Variants in CPNE5 observed in about 807,000 individuals in gnomAD.
CPNE5 encodes the protein copine 5.
In CPNE5, 42 loss-of-function variants were observed where a neutral mutation model predicts 81.1. The observed-to-expected ratio is 0.52, with a 90% CI of 0.40 to 0.67. The LOEUF is 0.67. Among genes scored for constraint, CPNE5 ranks in the 30% least tolerant of loss-of-function variants. The probability of loss-of-function intolerance (pLI) is 0.00; values close to 1 mark genes in which losing one functional copy is unlikely to be tolerated. For synonymous variants in CPNE5, 313 were observed against 321.5 expected (o/e 0.97, Z 0.28); for missense variants, 612 against 815.5 (o/e 0.75, Z 3.04).
At chr6:36,743,865 C>CAGTGGTCTCGGCCCTG in intron 19 of CPNE5, 103 bp from the exon 20 acceptor site, 1 of 1,018,184 alleles carries the variant, frequency 9.8e-7, no homozygotes, top group Non-Finnish European at 1.5e-6. Context: ...AATCCAGGGC[C>CAGTGGTCTCGGCCCTG]GAGACCACTG....
At chr6:36,818,044 C>T (rs1325721516) in intron 3 of CPNE5, among the ~76,000 whole-genome samples, 4 of 152,128 alleles carry the variant, frequency 2.6e-5, no homozygotes, top group Admixed American at 2.6e-4. Flanking sequence ...AACCTGAAAC[C>T]CAGCTCAACT....
chr6:36,839,512 A>G (rs1409088850), upstream of CPNE5: 1 of 645,912 alleles, frequency 1.5e-6, no homozygotes, highest in African/African-American at 1.9e-5. The surrounding 1 kb of genome is among the most constrained non-coding windows in gnomAD (Gnocchi z 7.3). Flanking sequence ...GAGGAGCGCG[A>G]AGAGGGGGCG....
Position 36,761,075 on chromosome 6 carries a change from G to A in CPNE5, c.855+1842C>T, listed in dbSNP as rs549415832. On this transcript the variant is annotated intron_variant, in intron 12 of 20. Transcript: ENST00000244751. ...ATTGAATGCTTTCTGCTCTTAGCCC[G>A]AGAGAAACAGCTCCTTCTGGGCCTG... 3.9e-5 allele frequency among the ~76,000 whole-genome samples: 6 copies of A among 152,320 alleles called. No individual in the cohort carries two copies. In the South Asian group the frequency reaches 8.3e-4, roughly 21 times the overall value.
intron 14 of CPNE5, among the ~76,000 whole-genome samples, chr6:36,749,794 C>T (rs538393919): frequency 2.0e-5 from 3 of 152,142 alleles, no homozygotes; most frequent in Admixed American, 2.0e-4. Context: ...TTGATTATAC[C>T]TTTTCTCCAC....
chr6:36,775,524 T>C (rs1767424533), intron 9 of CPNE5, among the ~76,000 whole-genome samples: 1 of 152,228 alleles, frequency 6.6e-6, no homozygotes, highest in Admixed American at 6.5e-5. Flanking sequence ...ATTAGATGTA[T>C]GGGTCATTTG....
chr6:36,747,267 C>G (rs1487206102), intron 15 of CPNE5, among the ~76,000 whole-genome samples: 2 of 151,770 alleles, frequency 1.3e-5, no homozygotes, highest in Non-Finnish European at 2.9e-5. Context: ...CCCCAGAGCC[C>G]TCTTCGCTGC....
chr6:36,837,784 T>A (rs182892450), intron 1 of CPNE5, among the ~76,000 whole-genome samples: 55 of 151,744 alleles, frequency 3.6e-4, no homozygotes, highest in Admixed American at 1.2e-3. Flanking sequence ...GTGGGAAGGA[T>A]CCCAAGACAA....
chr6:36,762,805 C>T (rs1562109053), intron 12 of CPNE5, 112 bp downstream of exon 12: 2 of 857,246 alleles, frequency 2.3e-6, no homozygotes, highest in South Asian at 2.9e-5. Context: ...ACAATAACCC[C>T]TTTCTCACAG....
intron 1 of CPNE5, among the ~76,000 whole-genome samples, chr6:36,829,864 A>AC (rs1772837385): frequency 6.8e-6 from 1 of 147,644 alleles, no homozygotes; most frequent in African/African-American, 2.5e-5. Context: ...AAAAAAAAAA[A>AC]AAAAATACCC....
At chr6:36,782,818 C>CACAG (rs1768153304) in intron 8 of CPNE5, among the ~76,000 whole-genome samples, 1 of 35,632 alleles carries the variant, frequency 2.8e-5, no homozygotes. Context: ...AAAACCAAAA[C>CACAG]ACACACACAC....
At chr6:36,750,787 T>TG (rs959289633) in intron 14 of CPNE5, among the ~76,000 whole-genome samples, 1 of 152,198 alleles carries the variant, frequency 6.6e-6, no homozygotes, top group African/African-American at 2.4e-5. Context: ...GGGACTATAC[T>TG]GGAGGGACAC....
At chr6:36,744,202 T>G in intron 19 of CPNE5, 66 bp downstream of exon 19, 1 of 1,289,848 alleles carries the variant, frequency 7.8e-7, no homozygotes, top group East Asian at 2.5e-5. Context: ...TGGGGAAACA[T>G]CTGGGGTGGG....
At position 36,839,229 on chromosome 6, in the gene CPNE5, C is replaced by T. The variant is rs985685725; in HGVS notation, c.95+54G>A. Reference sequence around the variant, plus strand: ...TTTAGGATCGAAGCGGCAGGGGCCGCGGGGCTCTGCGTCCAGGGCCGGGGC... The same window carrying T: ...TTTAGGATCGAAGCGGCAGGGGCCGTGGGGCTCTGCGTCCAGGGCCGGGGC... On this transcript the variant is annotated intron_variant, in intron 1 of 20. Transcript: ENST00000244751. The surrounding 1 kb of genome is among the most constrained non-coding windows in gnomAD (Gnocchi z 7.3). The T allele has an allele frequency of 2.9e-5, 39 of 1,334,670 alleles. No homozygotes were observed. The Admixed American group carries it at 5.7e-4, about 20-fold the overall frequency. 82.7% of individuals were successfully genotyped at this position (1,334,670 alleles called of 1,614,324 possible).
intron 20 of CPNE5, 87 bp downstream of exon 20, chr6:36,743,602 C>A: frequency 7.6e-7 from 1 of 1,317,318 alleles, no homozygotes; most frequent in Admixed American, 1.7e-5. Context: ...GGCCCTTCAC[C>A]AGGGAAGCCC....
intron 7 of CPNE5, 96 bp downstream of exon 7, chr6:36,794,494 G>C (rs1582912754): frequency 8.5e-7 from 1 of 1,182,832 alleles, no homozygotes; most frequent in African/African-American, 1.5e-5. Context: ...AATTCGCAGT[G>C]ATGGGAGCAG....
chr6:36,803,605 C>T (rs1029459230), intron 3 of CPNE5, among the ~76,000 whole-genome samples: 11 of 152,124 alleles, frequency 7.2e-5, no homozygotes, highest in Non-Finnish European at 1.5e-4. Flanking sequence ...GGATATTGAC[C>T]GATTTTGCAT....
In CPNE5 at chr6:36,822,166, G is replaced by GA. The variant is rs763886341; in HGVS notation, c.137-7_137-6insT. The GA allele has an allele frequency of 2.1e-5, 32 of 1,510,204 alleles. No individual in the cohort carries two copies. Among genetic ancestry groups the GA allele is most frequent in the Non-Finnish European group, 2.7e-5 (30 of 1,118,350 alleles). 93.6% of individuals were successfully genotyped at this position (1,510,204 alleles called of 1,614,324 possible). On this transcript the variant is annotated splice_region_variant and splice_polypyrimidine_tract_variant and intron_variant, in intron 2 of 20. Coordinates refer to ENST00000244751, the MANE Select transcript of CPNE5 (RefSeq NM_020939.2). ...TTGGGTATACATGACGCACACTGCG[G>GA]GGGGAGGAGAAACAGTGGATTAATA...
At position 36,744,271 on chromosome 6, in the gene CPNE5, C is replaced by G. The variant is rs746062426; in HGVS notation, c.1486G>C (p.Asp496His). Residue 496 changes from aspartate (D) to histidine (H), a missense_variant, in exon 19 of 21, where the codon GAC becomes CAC. Physicochemically the swap from Asp to His is moderately conservative, Grantham distance 81. Coordinates refer to ENST00000244751, the MANE Select transcript of CPNE5 (RefSeq NM_020939.2). ...IIVGVGQAEFDAMVELDGDDV... is the reference protein window; with the variant it reads ...IIVGVGQAEFHAMVELDGDDV... ...GGAAGGCAGCAGCTGGACTCACCGT[C>G]GAACTCTGCCTGGCCCACGCCGACG... is the stretch of plus-strand genomic sequence containing the variant. 3.8e-6 allele frequency: 6 copies of G among 1,578,280 alleles called. No individual in the cohort carries two copies. The highest frequency in any genetic ancestry group is 4.3e-6 in the Non-Finnish European group (5 of 1,162,560).
chr6:36,749,661 T>TAAA (rs71540165), intron 14 of CPNE5, among the ~76,000 whole-genome samples: 34,412 of 139,186 alleles, frequency 0.25, 4,026 homozygotes, highest in African/African-American at 0.3. Context: ...ACCTCAAAAA[T>TAAA]AAAAAAAAAA....
Sources: allele counts gnomAD v4.1 joint callset (sites outside exome capture counted in the v4.1 genomes callset), GRCh38; gene constraint gnomAD v4.1.1; non-coding constraint Gnocchi (gnomAD v3.1); transcripts MANE v1.5; gene names NCBI Gene and HGNC (gene_info 2026-07-23, HGNC 2026-07-21).